Variants in NRDC observed in about 807,000 individuals in gnomAD.
NRDC encodes the protein nardilysin convertase, also known as nardilysin.
NRDC carries 54 observed loss-of-function variants against 147.1 expected under a neutral mutation model. The ratio of observed to expected loss-of-function variants is 0.37; its 90% confidence interval spans 0.29 to 0.46. NRDC has a LOEUF of 0.46. NRDC is among the 20% of genes least tolerant of loss of function. NRDC has a pLI of 1.00. For missense variants in NRDC, 1,082 were observed against 1,370.6 expected, an observed-to-expected ratio of 0.79 and a Z score of 3.33; for synonymous variants, 440 against 482.1, an observed-to-expected ratio of 0.91 and a Z score of 1.14.
At chr1:51,834,236 CT>C in intron 3 of NRDC, 66 bp from the exon 4 acceptor site, 3 of 1,518,382 alleles carry the variant, frequency 2.0e-6, no homozygotes, top group Non-Finnish European at 2.7e-6. Flanking sequence ...CACACATGAA[CT>C]TTCTTATATG....
intron 21 of NRDC, among the ~76,000 whole-genome samples, 185 bp downstream of exon 21, chr1:51,800,371 A>G (rs534601697): frequency 6.6e-6 from 1 of 152,320 alleles, no homozygotes; most frequent in African/African-American, 2.4e-5. Context: ...TCCCATTCAC[A>G]GCTAGCTACA....
In NRDC at chr1:51,836,132, G is replaced by A; in HGVS notation, c.711C>T (p.His237=). 6.2e-7 allele frequency: 1 copy of A among 1,613,506 alleles called. No homozygotes were observed. Among genetic ancestry groups the A allele is most frequent in the South Asian group, 1.1e-5 (1 of 91,052 alleles). The change falls in exon 3 of 31, where the codon CAC becomes CAT. Residue 237 remains histidine (H), a splice_region_variant and synonymous_variant. Coordinates refer to ENST00000352171, the MANE Select transcript of NRDC (RefSeq NM_001101662.2). The part of the protein sequence containing the change: ...DLPGLAHFLE[H]MVFMGSLKYP... ...GAATGATATTTTACAAATTCTTACT[G>A]TGCTCCAAAAAGTGTGCCAGCCCCG...
At position 51,803,929 on chromosome 1, in the gene NRDC, G is replaced by A. The variant is rs56250500; in HGVS notation, c.2198C>T (p.Thr733Met). The change falls in exon 20 of 31, where the codon ACG (threonine) becomes ATG (methionine). Residue 733 changes from threonine to methionine, a missense_variant. Physicochemically the swap from Thr to Met is moderately conservative, Grantham distance 81. Around this residue, in one of 3 missense-constraint regions of NRDC, gnomAD observed 635 missense variants for 923.8 expected, o/e 0.69. Coordinates refer to ENST00000352171, the MANE Select transcript of NRDC (RefSeq NM_001101662.2). ...VLFDIFVNILTHNLAEPAYEA... is the reference protein window; with the variant it reads ...VLFDIFVNILMHNLAEPAYEA... ...ATAAGCTGGTTCCGCAAGGTTATGC[G>A]TAAGGATATTGACAAAGATATCAAA... 2.6e-3 allele frequency: 4,169 copies of A among 1,611,612 alleles called. 8 individuals carry two copies. The highest frequency in any genetic ancestry group is 3.2e-3 in the Non-Finnish European group (3,810 of 1,178,776).
chr1:51,798,142 T>A, intron 22 of NRDC, 107 bp downstream of exon 22: 1 of 1,134,230 alleles, frequency 8.8e-7, no homozygotes, highest in Non-Finnish European at 1.3e-6. Flanking sequence ...CAGAATATGA[T>A]AATGCTGGCC....
chr1:51,846,482 T>C (rs1681596897), intron 1 of NRDC, among the ~76,000 whole-genome samples: 1 of 152,248 alleles, frequency 6.6e-6, no homozygotes, highest in African/African-American at 2.4e-5. Context: ...TTGGTCTCAC[T>C]GACTTCAAGA....
chr1:51,823,813 A>C (rs765752998), intron 6 of NRDC, 27 bp from the exon 7 acceptor site: 5 of 1,543,304 alleles, frequency 3.2e-6, no homozygotes, highest in Non-Finnish European at 4.4e-6. Flanking sequence ...AAAATTATAG[A>C]TATAACTAAG....
At chr1:51,843,047 G>A (rs1681348464) in intron 1 of NRDC, among the ~76,000 whole-genome samples, 1 of 94,544 alleles carries the variant, frequency 1.1e-5, no homozygotes, top group Admixed American at 1.7e-4. Flanking sequence ...CTGGGCAACA[G>A]AGCAAAAACC....
At chr1:51,868,862 C>T (rs975623970) in intron 1 of NRDC, among the ~76,000 whole-genome samples, 8 of 152,056 alleles carry the variant, frequency 5.3e-5, no homozygotes, top group Non-Finnish European at 1.0e-4. Context: ...GGGAGTGAGC[C>T]ACCACCTCAA....
intron 28 of NRDC, 23 bp from the exon 29 acceptor site, chr1:51,790,672 T>C (rs2149182554): frequency 6.5e-7 from 1 of 1,537,740 alleles, no homozygotes; most frequent in African/African-American, 1.4e-5. Context: ...AAAAGAAAGA[T>C]GCTCAGGTGA....
chr1:51,875,009 A>C (rs975534718), intron 1 of NRDC, among the ~76,000 whole-genome samples: 15 of 152,192 alleles, frequency 9.9e-5, no homozygotes, highest in Non-Finnish European at 2.1e-4. Context: ...CGTGCACAAA[A>C]TCCTACTGAA....
At chr1:51,824,189 G>A (rs886850933) in intron 6 of NRDC, among the ~76,000 whole-genome samples, 1 of 148,108 alleles carries the variant, frequency 6.8e-6, no homozygotes, top group Admixed American at 6.8e-5. Flanking sequence ...GCAATAGCAC[G>A]ATCTTAGCTC....
At chr1:51,876,793 T>C (rs954100970) in intron 1 of NRDC, among the ~76,000 whole-genome samples, 3 of 152,228 alleles carry the variant, frequency 2.0e-5, no homozygotes, top group East Asian at 1.9e-4. Context: ...TGGAAAAGAT[T>C]ATCTATAAGG....
intron 1 of NRDC, among the ~76,000 whole-genome samples, chr1:51,851,275 C>T (rs1008818151): frequency 1.3e-5 from 2 of 152,120 alleles, no homozygotes; most frequent in Non-Finnish European, 2.9e-5. Context: ...TTGGGCTCTA[C>T]TTCATCAGAA....
intron 27 of NRDC, 46 bp from the exon 28 acceptor site, chr1:51,791,036 A>T (rs755766346): frequency 7.3e-7 from 1 of 1,365,376 alleles, no homozygotes; most frequent in East Asian, 2.3e-5. Flanking sequence ...AACATCTTCA[A>T]TTAAGTCATC....
intron 17 of NRDC, 58 bp downstream of exon 17, chr1:51,809,257 A>G: frequency 9.6e-7 from 1 of 1,042,778 alleles, no homozygotes; most frequent in South Asian, 1.3e-5. Context: ...ATAATGTGCT[A>G]TACAGGTGCC....
At chr1:51,873,523 A>ATT (rs1307337865) in intron 1 of NRDC, among the ~76,000 whole-genome samples, 2 of 144,410 alleles carry the variant, frequency 1.4e-5, no homozygotes, top group Non-Finnish European at 3.0e-5. Flanking sequence ...TTATTTATTT[A>ATT]TGTTTGAGAC....
chr1:51,818,124 T>G lies in NRDC; in HGVS notation c.1303A>C (p.Arg435=). 6.2e-7 allele frequency: 1 copy of G among 1,604,034 alleles called. No homozygotes were observed. The highest frequency in any genetic ancestry group is 8.5e-7 in the Non-Finnish European group (1 of 1,176,962). ...FNKLYRVVPI[R]KIHALTITWA... The stretch of plus-strand genomic sequence containing the variant: ...GTGATGGTCAGAGCATGAATTTTTC[T>G]GATTGGAACAACTAAACAAAAATAT... The change falls in exon 10 of 31, where the codon AGA becomes CGA. Residue 435 remains arginine (R), a synonymous_variant. Coordinates refer to ENST00000352171, the MANE Select transcript of NRDC (RefSeq NM_001101662.2).
intron 1 of NRDC, among the ~76,000 whole-genome samples, chr1:51,851,371 A>G (rs1681939427): frequency 6.6e-6 from 1 of 151,822 alleles, no homozygotes; most frequent in South Asian, 2.1e-4. Flanking sequence ...TTGAAAATCT[A>G]TTTAATACTT....
chr1:51,812,683 T>A (rs1679782945), intron 14 of NRDC, among the ~76,000 whole-genome samples: 1 of 152,208 alleles, frequency 6.6e-6, no homozygotes, highest in Non-Finnish European at 1.5e-5. Flanking sequence ...GGACTATGAA[T>A]GCCTGTTTAC....
Sources: allele counts gnomAD v4.1 joint callset (sites outside exome capture counted in the v4.1 genomes callset), GRCh38; gene constraint gnomAD v4.1.1; regional missense constraint gnomAD v4.1.1; transcripts MANE v1.5; gene names NCBI Gene and HGNC (gene_info 2026-07-23, HGNC 2026-07-21).